PABPC4L: variants seen among roughly 807,000 people sequenced by gnomAD.
The protein encoded by PABPC4L is polyadenylate-binding protein 4-like.
For missense variants in PABPC4L, 452 were observed against 451.4 expected (o/e 1.00, Z -0.01); for synonymous variants, 169 against 164.1 (o/e 1.03, Z -0.23).
chr4:134,172,161 A>G, the PABPC4L span, among the ~76,000 whole-genome samples: 1 of 152,174 alleles, frequency 6.6e-6, no homozygotes, highest in African/African-American at 2.4e-5. Context: ...GAATTAGAAA[A>G]AAGTATTCTA....
chr4:134,061,818 C>T, the PABPC4L span, among the ~76,000 whole-genome samples: 1 of 138,970 alleles, frequency 7.2e-6, no homozygotes, highest in African/African-American at 2.7e-5. Context: ...AGTTTTAAGA[C>T]ACATAAGAGA....
chr4:134,026,620 T>C, the PABPC4L span, among the ~76,000 whole-genome samples: 2 of 151,532 alleles, frequency 1.3e-5, no homozygotes, highest in East Asian at 1.9e-4. Flanking sequence ...TTGAATTGTG[T>C]CCCCCCCCAA....
chr4:134,081,295 C>T, the PABPC4L span, among the ~76,000 whole-genome samples: 1 of 152,088 alleles, frequency 6.6e-6, no homozygotes, highest in East Asian at 1.9e-4. Flanking sequence ...AAAGCAGCTG[C>T]AGAGGAATTT....
In PABPC4L at chr4:134,199,862, T is replaced by A. The variant is rs1159670749; in HGVS notation, c.*45A>T. On this transcript the variant is annotated 3_prime_UTR_variant, in exon 2 of 2. Transcript: ENST00000421491. ...ATTCAGGCAGAGATCACTATCATTC[T>A]CCCACCTGCTGCAGATACTAGCTGG... The A allele has an allele frequency of 6.5e-7, 1 of 1,539,844 alleles. No individual in the cohort carries two copies. Among genetic ancestry groups the A allele is most frequent in the Admixed American group, 2.1e-5 (1 of 47,740 alleles).
At chr4:134,093,817 A>G in the PABPC4L span, among the ~76,000 whole-genome samples, 3 of 151,460 alleles carry the variant, frequency 2.0e-5, no homozygotes, top group Non-Finnish European at 3.0e-5. Context: ...TTGTTCTTCT[A>G]TTTGAAAGAT....
At chr4:134,096,703 C>T in the PABPC4L span, among the ~76,000 whole-genome samples, 6 of 151,838 alleles carry the variant, frequency 4.0e-5, no homozygotes, top group African/African-American at 1.4e-4. Context: ...AAACATTCTA[C>T]CTAGCCTCAG....
At chr4:134,023,783 T>A in the PABPC4L span, among the ~76,000 whole-genome samples, 1 of 152,222 alleles carries the variant, frequency 6.6e-6, no homozygotes, top group East Asian at 1.9e-4. Flanking sequence ...AATATTATTA[T>A]TCTTAGGAAC....
At chr4:134,158,066 A>G in the PABPC4L span, among the ~76,000 whole-genome samples, 1 of 151,870 alleles carries the variant, frequency 6.6e-6, no homozygotes, top group African/African-American at 2.4e-5. Context: ...TAGTCCTCTA[A>G]CTTTTTCAAG....
chr4:134,144,840 C>A, the PABPC4L span, among the ~76,000 whole-genome samples: 1 of 150,876 alleles, frequency 6.6e-6, no homozygotes, highest in Non-Finnish European at 1.5e-5. Context: ...TTTCCTTTTC[C>A]AATCTGAATC....
the PABPC4L span, among the ~76,000 whole-genome samples, chr4:133,961,613 C>T: frequency 6.6e-6 from 1 of 152,138 alleles, no homozygotes; most frequent in African/African-American, 2.4e-5. Context: ...TTTGGGTCCC[C>T]TCCCATTACA....
At chr4:134,201,321 G>C in intron 1 of PABPC4L, 76 bp from the exon 2 acceptor site, 1 of 1,324,172 alleles carries the variant, frequency 7.6e-7, no homozygotes, top group Non-Finnish European at 9.8e-7. Context: ...TTCAAGTGGC[G>C]GGCTGGCCCT....
chr4:134,138,200 G>A, the PABPC4L span, among the ~76,000 whole-genome samples: 2 of 151,600 alleles, frequency 1.3e-5, no homozygotes, highest in African/African-American at 4.8e-5. Context: ...TCTACTTTCT[G>A]ACTTATTACC....
At chr4:134,065,494 T>A in the PABPC4L span, among the ~76,000 whole-genome samples, 1 of 151,932 alleles carries the variant, frequency 6.6e-6, no homozygotes, top group South Asian at 2.1e-4. Context: ...TTGTCTAGTA[T>A]CCAAAATCAA....
chr4:134,086,512 A>AT, the PABPC4L span, among the ~76,000 whole-genome samples: 2,138 of 148,470 alleles, frequency 0.014, 44 homozygotes, highest in African/African-American at 0.044. Flanking sequence ...ACACTTTTCA[A>AT]TTTTTTTTTT....
the PABPC4L span, among the ~76,000 whole-genome samples, chr4:134,061,022 G>A: frequency 2.6e-5 from 4 of 151,690 alleles, no homozygotes; most frequent in South Asian, 2.1e-4. Context: ...AGCAAAAGAG[G>A]GTGACTATAG....
chr4:134,165,756 G>A, the PABPC4L span, among the ~76,000 whole-genome samples: 1 of 152,036 alleles, frequency 6.6e-6, no homozygotes, highest in Non-Finnish European at 1.5e-5. Context: ...GAGTAGATCT[G>A]TTATTCAATC....
the PABPC4L span, among the ~76,000 whole-genome samples, chr4:134,155,701 C>G: frequency 6.6e-6 from 1 of 151,928 alleles, no homozygotes; most frequent in Non-Finnish European, 1.5e-5. Flanking sequence ...AGTGATAGTA[C>G]TAGTAGCTGT....
chr4:134,159,282 C>G, the PABPC4L span, among the ~76,000 whole-genome samples: 1 of 152,110 alleles, frequency 6.6e-6, no homozygotes, highest in Non-Finnish European at 1.5e-5. Context: ...TGACCACCCC[C>G]CTGTAGGAAC....
At chr4:133,989,740 C>T in the PABPC4L span, among the ~76,000 whole-genome samples, 1 of 152,070 alleles carries the variant, frequency 6.6e-6, no homozygotes, top group South Asian at 2.1e-4. Context: ...TAAAGCAGTA[C>T]CCCACTCATG....
Sources: allele counts gnomAD v4.1 joint callset (sites outside exome capture counted in the v4.1 genomes callset), GRCh38; gene constraint gnomAD v4.1.1; transcripts MANE v1.5; gene names NCBI Gene and HGNC (gene_info 2026-07-23, HGNC 2026-07-21).